The following RFX2 variants were observed in gnomAD, a reference collection of about 807,000 sequenced individuals.
RFX2 encodes regulatory factor X2, also known as DNA-binding protein RFX2.
A neutral mutation model predicts 87.8 loss-of-function variants in RFX2; 20 were observed. That is an observed-to-expected ratio of 0.23 (90% CI 0.16 to 0.33). The LOEUF (loss-of-function observed/expected upper bound fraction) is 0.33. RFX2 is among the 10% of genes least tolerant of loss of function. RFX2 has a pLI of 1.00. For missense variants in RFX2, 767 were observed against 1,012.3 expected (o/e 0.76, Z 3.29); for synonymous variants, 397 against 431.3 (o/e 0.92, Z 0.98).
intron 1 of RFX2, among the ~76,000 whole-genome samples, chr19:6,087,065 A>G (rs2087864819): frequency 6.6e-6 from 1 of 152,154 alleles, no homozygotes; most frequent in Admixed American, 6.5e-5. Flanking sequence ...GCTTCGTTGT[A>G]TAAACCAGGC....
intron 1 of RFX2, among the ~76,000 whole-genome samples, chr19:6,100,306 G>A (rs2088099087): frequency 6.6e-6 from 1 of 152,164 alleles, no homozygotes; most frequent in Admixed American, 6.5e-5. Flanking sequence ...CAGTTTGTCC[G>A]TTTGGCTAAC....
chr19:6,064,393 G>T lies in RFX2; in HGVS notation c.-8-16889C>A, dbSNP rs188922518. ...GCAGGGCTGCAGTGCAGCTGCTGAT[G>T]GTCAAGATGAAGATGGGGAATGTGC... On this transcript the variant is annotated intron_variant, in intron 1 of 17. Transcript: ENST00000303657. The surrounding 1 kb of genome is among the most constrained non-coding windows in gnomAD (Gnocchi z 4.8). Among the ~76,000 whole-genome samples the T allele has an allele frequency of 6.6e-6, 1 of 152,340 alleles. No individual in the cohort carries two copies. Among genetic ancestry groups the T allele is most frequent in the East Asian group, 1.9e-4 (1 of 5,176 alleles).
Position 5,994,130 on chromosome 19 carries a change from C to T in RFX2, c.*705G>A, listed in dbSNP as rs1397342547. On this transcript the variant is annotated 3_prime_UTR_variant, in exon 18 of 18. Coordinates refer to ENST00000303657, the MANE Select transcript of RFX2 (RefSeq NM_000635.4). ...CTGTGGCTTGTTCTTTTTCGAGCTG[C>T]GGATCTGCCGGGACACAGCGATTGT... 1 of 152,248 alleles carries T rather than the reference C, an allele frequency of 6.6e-6. No individual in the cohort carries two copies. The highest frequency in any genetic ancestry group is 1.5e-5 in the Non-Finnish European group (1 of 68,052). The allele number at this position is 152,248 out of a possible 1,614,324, so 9.4% of individuals were successfully genotyped here. A position where few individuals can be genotyped will look rare whatever the true frequency, so the allele number is the denominator to read the frequency against.
At position 6,009,138 on chromosome 19, in the gene RFX2, C is replaced by T. The variant is rs75419798; in HGVS notation, c.1016-914G>A. Reference sequence around the variant, plus strand: ...AGAGCCAGCTCAGGGCAGCACATCTCGGGGAGAAGGCCAGCCACGGTGTCC... The same window carrying T: ...AGAGCCAGCTCAGGGCAGCACATCTTGGGGAGAAGGCCAGCCACGGTGTCC... On this transcript the variant is annotated intron_variant, in intron 9 of 17. Coordinates refer to ENST00000303657, the MANE Select transcript of RFX2 (RefSeq NM_000635.4). Among the ~76,000 whole-genome samples the T allele has an allele frequency of 4.4e-3, 673 of 152,306 alleles. 7 individuals carry two copies. In the East Asian group the frequency reaches 0.071, roughly 16 times the overall value.
intron 1 of RFX2, among the ~76,000 whole-genome samples, chr19:6,089,206 G>A (rs1424049708): frequency 6.6e-6 from 1 of 152,194 alleles, no homozygotes; most frequent in Non-Finnish European, 1.5e-5. Context: ...TAAAAGGGCA[G>A]GTATCAAATA....
At chr19:6,068,118 C>CT (rs2087540259) in intron 1 of RFX2, 1 of 152,060 alleles carries the variant, frequency 6.6e-6, no homozygotes, top group Admixed American at 6.6e-5. Flanking sequence ...AATGCTAGTC[C>CT]TGGAGGTCAA....
At chr19:6,092,323 C>T (rs1350509272) in intron 1 of RFX2, among the ~76,000 whole-genome samples, 3 of 152,168 alleles carry the variant, frequency 2.0e-5, no homozygotes, top group Non-Finnish European at 4.4e-5. Flanking sequence ...TCCCTAAACC[C>T]GGGCCATGGC....
intron 5 of RFX2, among the ~76,000 whole-genome samples, chr19:6,028,525 T>G (rs1188474977): frequency 6.6e-6 from 1 of 152,218 alleles, no homozygotes; most frequent in Non-Finnish European, 1.5e-5. Flanking sequence ...GAGCTTTTCA[T>G]CCTCAGTTAC....
chr19:6,071,213 C>A (rs1259881395), intron 1 of RFX2, among the ~76,000 whole-genome samples: 1 of 152,138 alleles, frequency 6.6e-6, no homozygotes, highest in African/African-American at 2.4e-5. Context: ...AAGTCATGCT[C>A]GAATTATGCA....
intron 10 of RFX2, 71 bp downstream of exon 10, chr19:6,008,035 C>T (rs573800184): frequency 4.3e-5 from 50 of 1,172,938 alleles, no homozygotes; most frequent in East Asian, 1.8e-4. Context: ...CACCCGGGGA[C>T]GCCTGGCCTG....
In RFX2 at chr19:5,994,923, C is replaced by T. The variant is rs766879006; in HGVS notation, c.2084G>A (p.Ser695Asn). Residue 695 changes from serine to asparagine, a missense_variant, in exon 18 of 18, where the codon AGC becomes AAC. By Grantham distance (46) the Ser-to-Asn change is conservative. Transcript: ENST00000303657. ...KDDMGDEQRGSEAGPDARSLG... is the reference protein window; with the variant it reads ...KDDMGDEQRGNEAGPDARSLG... ...GCTGCGGGCGTCTGGGCCCGCCTCG[C>T]TGCCACGCTGCTCATCGCCCATGTC... is the stretch of plus-strand genomic sequence containing the variant. 2 of 1,608,444 alleles carry T rather than the reference C, an allele frequency of 1.2e-6. No homozygotes were observed. The highest frequency in any genetic ancestry group is 8.5e-7 in the Non-Finnish European group (1 of 1,179,830).
Position 5,999,119 on chromosome 19 carries a change from G to C in RFX2, c.1860-1906C>G, listed in dbSNP as rs953207414. Among the ~76,000 whole-genome samples the C allele has an allele frequency of 3.3e-5, 5 of 152,164 alleles. No individual in the cohort carries two copies. Among genetic ancestry groups the C allele is most frequent in the African/African-American group, 7.2e-5 (3 of 41,424 alleles). ...AAAAATACAAAAATCAGCCAGGCCT[G>C]GTGGTGGGCACCTGTAATCCCAGCT... On this transcript the variant is annotated intron_variant, in intron 15 of 17. Coordinates refer to ENST00000303657, the MANE Select transcript of RFX2 (RefSeq NM_000635.4). This position sits in a 1 kb window ranked among gnomAD's most constrained non-coding sequence, Gnocchi z 4.1.
At chr19:6,070,227 ATGGG>A in intron 1 of RFX2, among the ~76,000 whole-genome samples, 1 of 97,238 alleles carries the variant, frequency 1.0e-5, no homozygotes, top group African/African-American at 3.8e-5. Flanking sequence ...ATGGGATGGG[ATGGG>A]ATGGGATGGG....
chr19:6,090,370 C>CA (rs1169384189), intron 1 of RFX2, among the ~76,000 whole-genome samples: 4,729 of 56,046 alleles, frequency 0.084, 297 homozygotes, highest in African/African-American at 0.21. Context: ...GACTCTGTCT[C>CA]AAAAAAAAAA....
rs1333342696 is a variant in RFX2, at chr19:6,045,454, ACAATTT to A, written c.91-1178_91-1173del. On this transcript the variant is annotated intron_variant, in intron 2 of 17. Coordinates refer to ENST00000303657, the MANE Select transcript of RFX2 (RefSeq NM_000635.4). This position sits in a 1 kb window ranked among gnomAD's most constrained non-coding sequence, Gnocchi z 5.2. ...AGACCTGAGGGCTGACTCCTCTTGG[ACAATTT>A]CAAGTGGGCACGGAAACATATCAAT... Among the ~76,000 whole-genome samples the A allele has an allele frequency of 1.3e-5, 2 of 152,152 alleles. No individual in the cohort carries two copies. Among genetic ancestry groups the A allele is most frequent in the Non-Finnish European group, 2.9e-5 (2 of 68,032 alleles).
intron 1 of RFX2, among the ~76,000 whole-genome samples, chr19:6,086,172 A>C (rs574540070): frequency 6.6e-6 from 1 of 151,186 alleles, no homozygotes; most frequent in South Asian, 2.1e-4. Flanking sequence ...TCCCAGCATC[A>C]TTTATTGGAA....
chr19:6,008,009 T>C, intron 10 of RFX2, 97 bp downstream of exon 10: 1 of 952,232 alleles, frequency 1.1e-6, no homozygotes, highest in Non-Finnish European at 1.7e-6. Flanking sequence ...GGCTCGGGGC[T>C]CCAGCTCCTC....
Position 6,013,100 on chromosome 19 carries a change from T to G in RFX2, c.785A>C (p.Asn262Thr). ...LRTRRLGTRG[N>T]SKYHYYGIRL... is the part of the protein sequence containing the mutation. ...AATCCCATAGTAATGGTACTTCGAG[T>G]TGCCCCTGGAAACCAAACATCCCAG... The change falls in exon 8 of 18, where the codon AAC becomes ACC. Residue 262 changes from asparagine to threonine, a missense_variant. Asn to Thr is a moderately conservative substitution (Grantham distance 65). Transcript: ENST00000303657. The surrounding 1 kb of genome is among the most constrained non-coding windows in gnomAD (Gnocchi z 4.1). 6.3e-7 allele frequency: 1 copy of G among 1,588,094 alleles called. No individual in the cohort carries two copies. The highest frequency in any genetic ancestry group is 8.6e-7 in the Non-Finnish European group (1 of 1,168,436).
rs571450510 is a variant in RFX2 at position 5,998,267 on chromosome 19, C to T, written c.1860-1054G>A. Among the ~76,000 whole-genome samples, 88 of 152,210 alleles carry T rather than the reference C, an allele frequency of 5.8e-4. No homozygotes were observed. The highest frequency in any genetic ancestry group is 5.4e-3 in the Admixed American group (82 of 15,294). ...AGGCTGCAGTGAGCCGAGATCATGTCGCTGCACTCTAGCCTGGGTGACAGA... is the reference window on the plus strand; with the variant it reads ...AGGCTGCAGTGAGCCGAGATCATGTTGCTGCACTCTAGCCTGGGTGACAGA... On this transcript the variant is annotated intron_variant, in intron 15 of 17. Transcript: ENST00000303657. This position sits in a 1 kb window ranked among gnomAD's most constrained non-coding sequence, Gnocchi z 4.2.
Sources: allele counts gnomAD v4.1 joint callset (sites outside exome capture counted in the v4.1 genomes callset), GRCh38; gene constraint gnomAD v4.1.1; non-coding constraint Gnocchi (gnomAD v3.1); transcripts MANE v1.5; gene names NCBI Gene and HGNC (gene_info 2026-07-23, HGNC 2026-07-21).